Variants in ACACB observed in about 807,000 individuals in gnomAD.
ACACB encodes acetyl-CoA carboxylase 2.
ACACB carries 209 observed loss-of-function variants against 278.8 expected under a neutral mutation model. The ratio of observed to expected loss-of-function variants is 0.75; its 90% CI spans 0.67 to 0.84. The LOEUF (loss-of-function observed/expected upper bound fraction) is 0.84, where lower values mean the gene tolerates loss of function less well. ACACB is among the 40% of genes least tolerant of loss of function. The pLI, the probability that ACACB is intolerant of heterozygous loss-of-function variation, is 0.00. For synonymous variants in ACACB, 1,174 were observed against 1,285.6 expected, an observed-to-expected ratio of 0.91 and a Z score of 1.86; for missense variants, 2,850 against 3,269.0, an observed-to-expected ratio of 0.87 and a Z score of 3.13.
chr12:109,223,871 C>T lies in ACACB; in HGVS notation c.3849C>T (p.His1283=), dbSNP rs757895997. ...IFDVLPTFFY[H]ANKVVCMASL... ...ACGTCCTGCCTACTTTCTTCTATCA[C>T]GCAAACAAAGTCGTGTGCATGGCGT... The change falls in exon 27 of 53, where the codon CAC becomes CAT. Residue 1283 remains histidine, a synonymous_variant. Coordinates refer to ENST00000338432, the MANE Select transcript of ACACB (RefSeq NM_001093.4). 5.6e-5 allele frequency: 90 copies of T among 1,614,052 alleles called. No homozygotes were observed. The highest frequency in any genetic ancestry group is 6.9e-5 in the Non-Finnish European group (82 of 1,180,022).
At chr12:109,256,100 C>T (rs772659095) in intron 44 of ACACB, 40 bp from the exon 45 acceptor site, 3 of 1,584,960 alleles carry the variant, frequency 1.9e-6, no homozygotes, top group Non-Finnish European at 2.6e-6. Flanking sequence ...CCCCCAGCCA[C>T]CTGGCCCTCC....
chr12:109,165,967 T>A (rs2043882916), intron 2 of ACACB, among the ~76,000 whole-genome samples: 1 of 152,202 alleles, frequency 6.6e-6, no homozygotes, highest in Non-Finnish European at 1.5e-5. Context: ...GTTAAACATT[T>A]AAAAAATTGT....
chr12:109,176,290 G>C (rs1308515672), intron 9 of ACACB, 27 bp downstream of exon 9: 18 of 1,586,668 alleles, frequency 1.1e-5, no homozygotes, highest in Non-Finnish European at 1.6e-5. Flanking sequence ...GTGTCTTTTC[G>C]CATCTGTCTT....
At chr12:109,186,510 C>T (rs2044667794) in intron 12 of ACACB, among the ~76,000 whole-genome samples, 1 of 152,150 alleles carries the variant, frequency 6.6e-6, no homozygotes, top group African/African-American at 2.4e-5. Flanking sequence ...AAGTCTGGCT[C>T]ATTGTAGAGA....
At position 109,218,461 on chromosome 12, in the gene ACACB, C is replaced by G. The variant is rs556149590; in HGVS notation, c.3564+1541C>G. Reference sequence around the variant, plus strand: ...CTTGTCTCGAACTCCCGCGCTCAAGCAATCCTCCTGCCTTGGCCTCCCAAA... The same window carrying G: ...CTTGTCTCGAACTCCCGCGCTCAAGGAATCCTCCTGCCTTGGCCTCCCAAA... On this transcript the variant is annotated intron_variant, in intron 24 of 52. Transcript: ENST00000338432. 7.2e-5 allele frequency among the ~76,000 whole-genome samples: 11 copies of G among 152,294 alleles called. No individual in the cohort carries two copies. In the South Asian group the frequency reaches 2.3e-3, roughly 32 times the overall value.
At chr12:109,123,897 C>T (rs192576262) in intron 1 of ACACB, among the ~76,000 whole-genome samples, 8 of 151,272 alleles carry the variant, frequency 5.3e-5, no homozygotes, top group African/African-American at 1.7e-4. Context: ...CCATGTTGCT[C>T]GGGCTGGTCT....
chr12:109,134,624 A>G (rs1300862513), intron 1 of ACACB, among the ~76,000 whole-genome samples: 3 of 152,184 alleles, frequency 2.0e-5, no homozygotes, highest in Non-Finnish European at 4.4e-5. Flanking sequence ...AGAAATAGTA[A>G]TAGTATGAAA....
At chr12:109,159,832 G>A (rs768167994) in intron 2 of ACACB, among the ~76,000 whole-genome samples, 26 of 152,016 alleles carry the variant, frequency 1.7e-4, no homozygotes, top group Non-Finnish European at 2.8e-4. Context: ...GCTCACCCCT[G>A]TAATCCCAGC....
At position 109,235,647 on chromosome 12, in the gene ACACB, G is replaced by A; in HGVS notation, c.4446G>A (p.Glu1482=). 2 of 1,610,704 alleles carry A rather than the reference G, an allele frequency of 1.2e-6. No homozygotes were observed. The part of the protein sequence containing the change: ...PKFFTFRARD[E]FAEDRIYRHL... ...TTTTCACATTCAGAGCAAGAGATGA[G>A]GTATGGCCAAAAGTAATGATGTTTT... is the stretch of plus-strand genomic sequence containing the variant. Residue 1482 remains glutamate, a splice_region_variant and synonymous_variant, in exon 33 of 53, where the codon GAG becomes GAA. Coordinates refer to ENST00000338432, the MANE Select transcript of ACACB (RefSeq NM_001093.4).
At position 109,179,937 on chromosome 12, in the gene ACACB, G is replaced by C. The variant is rs1038693489; in HGVS notation, c.1668G>C (p.Lys556Asn). The C allele has an allele frequency of 5.0e-6, 8 of 1,608,598 alleles. No homozygotes were observed. The African/African-American group carries it at 1.1e-4, about 21-fold the overall frequency. The change falls in exon 11 of 53, where the codon AAG becomes AAC. Residue 556 changes from lysine to asparagine, a missense_variant. Coordinates refer to ENST00000338432, the MANE Select transcript of ACACB (RefSeq NM_001093.4). ...FMEQCAIRLA[K>N]TVGYVSAGTV... is the part of the protein sequence containing the mutation. ...CACAGTGTGCCATCCGCCTGGCCAAGACCGTGGGCTATGTGAGTGCAGGGA... is the reference window on the plus strand; with the variant it reads ...CACAGTGTGCCATCCGCCTGGCCAACACCGTGGGCTATGTGAGTGCAGGGA...
At chr12:109,112,169 T>C (rs1432845999), upstream of ACACB, among the ~76,000 whole-genome samples, 1 of 149,474 alleles carries the variant, frequency 6.7e-6, no homozygotes, top group African/African-American at 2.4e-5. Context: ...ATTTTAAATA[T>C]ATATACATAC....
chr12:109,186,119 C>T (rs1248414395), intron 12 of ACACB, among the ~76,000 whole-genome samples: 3 of 151,552 alleles, frequency 2.0e-5, no homozygotes, highest in South Asian at 2.1e-4. Context: ...TTAGTAGAGA[C>T]GGGGTTTCAC....
At chr12:109,200,923 G>A (rs1218838511) in intron 18 of ACACB, among the ~76,000 whole-genome samples, 1 of 152,178 alleles carries the variant, frequency 6.6e-6, no homozygotes, top group Non-Finnish European at 1.5e-5. Flanking sequence ...CTCAAGGAGG[G>A]GAGCCACTTC....
At chr12:109,226,361 T>G (rs1370478615) in intron 27 of ACACB, among the ~76,000 whole-genome samples, 3 of 152,040 alleles carry the variant, frequency 2.0e-5, no homozygotes, top group African/African-American at 7.3e-5. Context: ...TGATAAACTA[T>G]AGACCATGGA....
At chr12:109,113,832 C>T (rs1010513419), upstream of ACACB, among the ~76,000 whole-genome samples, 1 of 152,152 alleles carries the variant, frequency 6.6e-6, no homozygotes, top group Non-Finnish European at 1.5e-5. Context: ...TTGAAAAGAC[C>T]TCACATGCTG....
rs1269922433 is a variant in ACACB, at chr12:109,241,366, T to G, written c.5022+85T>G. The stretch of plus-strand genomic sequence containing the variant: ...TCAATTTGTAGATTAAGATGGCATT[T>G]GGAGGCGGTCTTGCCTTGCTCTCCC... On this transcript the variant is annotated intron_variant, in intron 36 of 52. Transcript: ENST00000338432. 1.2e-5 allele frequency: 17 copies of G among 1,401,062 alleles called. No homozygotes were observed. In the Admixed American group the frequency reaches 1.4e-4, roughly 11 times the overall value. The allele number at this position is 1,401,062 out of a possible 1,614,324, so 86.8% of individuals were successfully genotyped here.
At chr12:109,185,971 C>T (rs1006314954) in intron 12 of ACACB, among the ~76,000 whole-genome samples, 6 of 152,120 alleles carry the variant, frequency 3.9e-5, no homozygotes, top group African/African-American at 1.4e-4. Flanking sequence ...CACCCTGTCA[C>T]CCAGGCTGGA....
intron 2 of ACACB, among the ~76,000 whole-genome samples, chr12:109,165,352 TTTA>T (rs1332448101): frequency 1.3e-5 from 2 of 152,028 alleles, no homozygotes; most frequent in Non-Finnish European, 2.9e-5. Flanking sequence ...TGATCAATTA[TTTA>T]TTATTATTAT....
rs781227310 is a variant in ACACB at position 109,189,768 on chromosome 12, G to C, written c.2144+1606G>C. Among the ~76,000 whole-genome samples, 143 of 152,142 alleles carry C rather than the reference G, an allele frequency of 9.4e-4. 3 individuals carry two copies. The highest frequency in any genetic ancestry group is 1.8e-4 in the Non-Finnish European group (12 of 68,036). On this transcript the variant is annotated intron_variant, in intron 13 of 52. Transcript: ENST00000338432. ...TCTCACCCCCAAAATGGGGTCATCA[G>C]TGTCCTTCCCCGTTACCTGCTGACA...
Sources: gnomAD v4.1 joint callset for allele counts (sites outside exome capture counted in the v4.1 genomes callset) on GRCh38, gnomAD v4.1.1 for gene constraint, MANE v1.5 for transcripts, NCBI Gene and HGNC (gene_info 2026-07-23, HGNC 2026-07-21) for gene names.